Variants in RBFOX1 observed in about 807,000 individuals in gnomAD.
RBFOX1 encodes the protein RNA binding fox-1 homolog 1.
RBFOX1 carries 8 observed loss-of-function variants against 57.7 expected under a neutral mutation model. The ratio of observed to expected loss-of-function variants is 0.14; its 90% CI spans 0.08 to 0.25. The LOEUF is 0.25. Ranked by LOEUF, RBFOX1 falls within the 10% of genes least tolerant of loss-of-function variation. The pLI, the probability that RBFOX1 is intolerant of heterozygous loss-of-function variation, is 1.00. For synonymous variants in RBFOX1, 326 were observed against 222.4 expected (o/e 1.47, Z -4.15); for missense variants, 611 against 548.5 (o/e 1.11, Z -1.14).
chr16:5,257,716 G>C (rs935420800), intron 1 of RBFOX1, among the ~76,000 whole-genome samples: 1 of 152,090 alleles, frequency 6.6e-6, no homozygotes, highest in African/African-American at 2.4e-5. Flanking sequence ...GACTGAGCTG[G>C]GAGAGTCCCC....
intron 3 of RBFOX1, among the ~76,000 whole-genome samples, chr16:6,696,114 G>A (rs2061003141): frequency 6.6e-6 from 1 of 152,166 alleles, no homozygotes; most frequent in African/African-American, 2.4e-5. Context: ...ACACTGGGGA[G>A]CTCATTACTA....
chr16:5,851,102 A>C (rs1400843438), intron 3 of RBFOX1, among the ~76,000 whole-genome samples: 4 of 152,096 alleles, frequency 2.6e-5, no homozygotes, highest in Non-Finnish European at 5.9e-5. Flanking sequence ...TCCCTTTGGT[A>C]CACTGTGCTG....
chr16:7,172,195 A>G (rs891084633), intron 4 of RBFOX1, among the ~76,000 whole-genome samples: 2 of 152,198 alleles, frequency 1.3e-5, no homozygotes, highest in Non-Finnish European at 2.9e-5. Context: ...ATGAGCCAAT[A>G]ATTCCATATT....
At chr16:5,568,612 C>T (rs1020752914) in intron 2 of RBFOX1, among the ~76,000 whole-genome samples, 2 of 152,116 alleles carry the variant, frequency 1.3e-5, no homozygotes, top group Non-Finnish European at 2.9e-5. Flanking sequence ...CTGTTGTCTG[C>T]AGTGGGCTGG....
At chr16:6,867,001 G>C (rs546184432) in intron 3 of RBFOX1, among the ~76,000 whole-genome samples, 1 of 122,230 alleles carries the variant, frequency 8.2e-6, no homozygotes, top group African/African-American at 3.4e-5. Flanking sequence ...GTCAGAGTCT[G>C]TGTTAGCTGT....
chr16:6,561,359 C>A (rs918426111), intron 2 of RBFOX1, among the ~76,000 whole-genome samples: 1 of 152,108 alleles, frequency 6.6e-6, no homozygotes, highest in Non-Finnish European at 1.5e-5. Flanking sequence ...TAGTCTGTAA[C>A]CATTCAGTAG....
chr16:7,162,686 G>A (rs988834493), intron 4 of RBFOX1, among the ~76,000 whole-genome samples: 1 of 151,952 alleles, frequency 6.6e-6, no homozygotes, highest in Non-Finnish European at 1.5e-5. Flanking sequence ...CTGAGATTGC[G>A]CCACTGCACT....
chr16:5,578,847 T>TCCCC (rs1596330133), intron 2 of RBFOX1, among the ~76,000 whole-genome samples: 1 of 69,496 alleles, frequency 1.4e-5, no homozygotes, highest in African/African-American at 5.9e-5. Flanking sequence ...ACACACCCTT[T>TCCCC]TTTTTTTTTT....
chr16:7,659,307 C>T (rs2067107633), intron 12 of RBFOX1, among the ~76,000 whole-genome samples: 1 of 152,222 alleles, frequency 6.6e-6, no homozygotes, highest in Non-Finnish European at 1.5e-5. Context: ...CTAAAAAAGT[C>T]TCCAACAACA....
intron 1 of RBFOX1, among the ~76,000 whole-genome samples, chr16:5,406,525 G>A (rs1325165506): frequency 6.6e-6 from 1 of 151,918 alleles, no homozygotes; most frequent in South Asian, 2.1e-4. Flanking sequence ...TTCTTTAAGT[G>A]TCATACCTTA....
chr16:7,473,985 T>G (rs574716825), intron 4 of RBFOX1, among the ~76,000 whole-genome samples: 2 of 152,118 alleles, frequency 1.3e-5, no homozygotes, highest in African/African-American at 4.8e-5. Context: ...CAATATTATC[T>G]TTTCATTAAA....
At chr16:7,045,648 T>A (rs1382615686) in intron 3 of RBFOX1, among the ~76,000 whole-genome samples, 1 of 148,068 alleles carries the variant, frequency 6.8e-6, no homozygotes, top group Non-Finnish European at 1.5e-5. Context: ...AATCTTGTTA[T>A]ATACTTTTTT....
intron 2 of RBFOX1, among the ~76,000 whole-genome samples, chr16:5,518,846 A>AC (rs2043900573): frequency 6.6e-6 from 1 of 152,176 alleles, no homozygotes; most frequent in African/African-American, 2.4e-5. Context: ...TATGAGTTGA[A>AC]CCGCATCCCT....
At position 7,388,950 on chromosome 16, in the gene RBFOX1, C is replaced by T. The variant is rs866409842; in HGVS notation, c.28-129197C>T. On this transcript the variant is annotated intron_variant, in intron 4 of 15. Coordinates refer to ENST00000550418, the MANE Select transcript of RBFOX1 (RefSeq NM_018723.4). ...TATCATAAGTCAAGGAAAGCATGTA[C>T]GCAGAGCTTAATAGAGTGCCTAATA... is the stretch of plus-strand genomic sequence containing the variant. Among the ~76,000 whole-genome samples, 78 of 152,122 alleles carry T rather than the reference C, an allele frequency of 5.1e-4. 1 individual carries two copies. Among genetic ancestry groups the T allele is most frequent in the African/African-American group, 1.6e-3 (65 of 41,502 alleles).
At chr16:5,266,806 A>C (rs2062870821) in intron 1 of RBFOX1, among the ~76,000 whole-genome samples, 1 of 151,940 alleles carries the variant, frequency 6.6e-6, no homozygotes, top group Non-Finnish European at 1.5e-5. Context: ...CAATCTGCTC[A>C]CCTCGGCCTC....
At chr16:6,117,499 A>G (rs1304303441) in intron 1 of RBFOX1, among the ~76,000 whole-genome samples, 1 of 152,258 alleles carries the variant, frequency 6.6e-6, no homozygotes, top group Non-Finnish European at 1.5e-5. Flanking sequence ...AGATGCCATT[A>G]GGCCAGAATG....
chr16:5,666,968 G>A (rs57630633), intron 3 of RBFOX1, among the ~76,000 whole-genome samples: 6,938 of 152,232 alleles, frequency 0.046, 372 homozygotes, highest in East Asian at 0.19. Context: ...GAAAAAAATA[G>A]GGCAAGGCCT....
chr16:5,549,196 A>T (rs901664304), intron 2 of RBFOX1, among the ~76,000 whole-genome samples: 3 of 152,148 alleles, frequency 2.0e-5, no homozygotes, highest in African/African-American at 7.2e-5. Flanking sequence ...GCAAGTGGCA[A>T]ACTTGTTGAG....
intron 4 of RBFOX1, among the ~76,000 whole-genome samples, chr16:7,260,470 G>T (rs1186551090): frequency 6.6e-6 from 1 of 151,680 alleles, no homozygotes; most frequent in Non-Finnish European, 1.5e-5. Context: ...GGCACTGTTT[G>T]ATTTTTTTTT....
Sources: gnomAD v4.1 joint callset for allele counts (sites outside exome capture counted in the v4.1 genomes callset) on GRCh38, gnomAD v4.1.1 for gene constraint, MANE v1.5 for transcripts, NCBI Gene and HGNC (gene_info 2026-07-23, HGNC 2026-07-21) for gene names.